KCNC2: variants seen among roughly 807,000 people sequenced by gnomAD.
KCNC2 encodes the protein potassium voltage-gated channel subfamily C member 2.
KCNC2 carries 21 observed loss-of-function variants against 44.5 expected under a neutral mutation model. The observed-to-expected ratio is 0.47, with a 90% CI of 0.33 to 0.68. The LOEUF is 0.68. Among genes scored for constraint, KCNC2 ranks in the 30% least tolerant of loss-of-function variants. The pLI, the probability that KCNC2 is intolerant of heterozygous loss-of-function variation, is 0.01. For missense variants in KCNC2, 589 were observed against 826.2 expected (o/e 0.71, Z 3.52); for synonymous variants, 391 against 339.1 (o/e 1.15, Z -1.68).
In KCNC2 at chr12:75,207,205, T is replaced by C; in HGVS notation, c.687+92A>G. 1.4e-6 allele frequency: 2 copies of C among 1,480,034 alleles called. No individual in the cohort carries two copies. Among genetic ancestry groups the C allele is most frequent in the South Asian group, 2.7e-5 (2 of 73,314 alleles). 91.7% of individuals were successfully genotyped at this position (1,480,034 alleles called of 1,614,324 possible). ...AATCCCGGGTCTCTTCTACCCCCCA[T>C]GCCTGAGGCCCTGGGGTGGAAAAGA... On this transcript the variant is annotated intron_variant, in intron 2 of 4. Coordinates refer to ENST00000549446, the MANE Select transcript of KCNC2 (RefSeq NM_139137.4). The surrounding 1 kb of genome is among the most constrained non-coding windows in gnomAD (Gnocchi z 4.1).
At chr12:75,090,913 G>T (rs1885418396) in intron 2 of KCNC2, among the ~76,000 whole-genome samples, 2 of 151,614 alleles carry the variant, frequency 1.3e-5, no homozygotes, top group African/African-American at 4.8e-5. Context: ...AGAAAAATGG[G>T]TCAGCCAATG....
chr12:75,162,222 G>A (rs1360902968), intron 2 of KCNC2, among the ~76,000 whole-genome samples: 1 of 151,706 alleles, frequency 6.6e-6, no homozygotes, highest in Non-Finnish European at 1.5e-5. Context: ...TTGAAATGTA[G>A]TATAAACATC....
chr12:75,043,505 A>T (rs1880155263), intron 4 of KCNC2: 1 of 1,266,628 alleles, frequency 7.9e-7, no homozygotes, highest in Non-Finnish European at 1.0e-6. Flanking sequence ...TAGCATTAAT[A>T]TAATTTTGGC....
chr12:75,128,388 G>A (rs1478084472), intron 2 of KCNC2, among the ~76,000 whole-genome samples: 3 of 151,956 alleles, frequency 2.0e-5, no homozygotes, highest in Non-Finnish European at 4.4e-5. Context: ...TTAACATACC[G>A]AGTCAGCAAA....
At chr12:75,160,329 C>T (rs972517974) in intron 2 of KCNC2, among the ~76,000 whole-genome samples, 4 of 151,632 alleles carry the variant, frequency 2.6e-5, no homozygotes, top group Non-Finnish European at 5.9e-5. Flanking sequence ...AGTCTCCAGA[C>T]CTGTGAAAAA....
intron 2 of KCNC2, among the ~76,000 whole-genome samples, chr12:75,056,133 C>A (rs1329896727): frequency 1.3e-5 from 2 of 151,920 alleles, no homozygotes; most frequent in African/African-American, 4.8e-5. Context: ...TGACTTAAAG[C>A]AAGAAGTAGG....
rs1418519283 is a variant in KCNC2, at chr12:75,082,496, A to G, written c.688-31179T>C. On this transcript the variant is annotated intron_variant, in intron 2 of 4. Coordinates refer to ENST00000549446, the MANE Select transcript of KCNC2 (RefSeq NM_139137.4). The stretch of plus-strand genomic sequence containing the variant: ...AAATGTAAATTCTATTTGATTCAGA[A>G]ATTGTTCTACAAAGTCACCCACGAG... Among the ~76,000 whole-genome samples the G allele has an allele frequency of 2.7e-5, 4 of 147,094 alleles. No individual in the cohort carries two copies. In the Admixed American group the frequency reaches 2.8e-4, roughly 10 times the overall value.
chr12:75,110,767 A>T (rs1423918346), intron 2 of KCNC2, among the ~76,000 whole-genome samples: 1 of 152,006 alleles, frequency 6.6e-6, no homozygotes, highest in Admixed American at 6.6e-5. Context: ...TAACTTATAT[A>T]CATATATATT....
In KCNC2 at chr12:75,207,690, G is replaced by A. The variant is rs201442443; in HGVS notation, c.294C>T (p.Gly98=). The A allele has an allele frequency of 3.1e-4, 500 of 1,599,664 alleles. 6 individuals are homozygous for A. The East Asian group carries it at 0.011, about 36-fold the overall frequency. ...RGGRASDHPG[G]GREFFFDRHP... ...GCCGGTCGAAGAAGAACTCGCGGCC[G>A]CCACCGGGATGGTCGCTGGCCCTGC... The change falls in exon 2 of 5, where the codon GGC becomes GGT. Residue 98 remains glycine (G), a synonymous_variant. Transcript: ENST00000549446. This position sits in a 1 kb window ranked among gnomAD's most constrained non-coding sequence, Gnocchi z 4.1.
At position 75,207,220 on chromosome 12, in the gene KCNC2, G is replaced by A. The variant is rs1024759413; in HGVS notation, c.687+77C>T. 8 of 1,492,320 alleles carry A rather than the reference G, an allele frequency of 5.4e-6. No homozygotes were observed. The highest frequency in any genetic ancestry group is 2.0e-4 in the Middle Eastern group (1 of 5,058). 92.4% of individuals were successfully genotyped at this position (1,492,320 alleles called of 1,614,324 possible). ...CTACCCCCCATGCCTGAGGCCCTGG[G>A]GTGGAAAAGAACAGAAAGTTGGGGA... On this transcript the variant is annotated intron_variant, in intron 2 of 4. Coordinates refer to ENST00000549446, the MANE Select transcript of KCNC2 (RefSeq NM_139137.4). This position sits in a 1 kb window ranked among gnomAD's most constrained non-coding sequence, Gnocchi z 4.1.
intron 2 of KCNC2, among the ~76,000 whole-genome samples, chr12:75,181,535 G>A (rs1007188328): frequency 3.9e-5 from 6 of 152,166 alleles, no homozygotes; most frequent in Non-Finnish European, 7.3e-5. Flanking sequence ...AATGGACAGT[G>A]TCTACTGCCT....
intron 2 of KCNC2, among the ~76,000 whole-genome samples, chr12:75,077,459 A>T (rs1370376335): frequency 6.6e-6 from 1 of 152,146 alleles, no homozygotes; most frequent in East Asian, 1.9e-4. Flanking sequence ...TCCTAATGGG[A>T]TATTTCACAG....
In KCNC2 at chr12:75,042,987, A is replaced by G; in HGVS notation, c.*118T>C. 1 of 1,449,406 alleles carries G rather than the reference A, an allele frequency of 6.9e-7. No individual in the cohort carries two copies. The highest frequency in any genetic ancestry group is 2.7e-5 in the Admixed American group (1 of 37,128). The allele number at this position is 1,449,406 out of a possible 1,614,324, so 89.8% of individuals were successfully genotyped here. ...TGACTTCAAATTGTAGTATCATGCA[A>G]GATTTATACTGTATTAATGGAGCCT... On this transcript the variant is annotated 3_prime_UTR_variant, in exon 5 of 5. Transcript: ENST00000549446.
chr12:75,194,129 T>C (rs906246588), intron 2 of KCNC2, among the ~76,000 whole-genome samples: 1 of 152,140 alleles, frequency 6.6e-6, no homozygotes, highest in African/African-American at 2.4e-5. Context: ...CTGGGTTCAA[T>C]AGTGTCCCTC....
chr12:75,208,083 C>G lies in KCNC2; in HGVS notation c.-19-81G>C, dbSNP rs576788126. 5.2e-6 allele frequency: 8 copies of G among 1,541,204 alleles called. No homozygotes were observed. The South Asian group carries it at 9.2e-5, about 18-fold the overall frequency. On this transcript the variant is annotated intron_variant, in intron 1 of 4. Transcript: ENST00000549446. ...CATGACCCCCACCACCAACCCAGAG[C>G]GAGTCCAGGGATGCAGAGTTGGCAG... is the stretch of plus-strand genomic sequence containing the variant.
At chr12:75,093,821 G>A (rs1175689982) in intron 2 of KCNC2, among the ~76,000 whole-genome samples, 1 of 151,574 alleles carries the variant, frequency 6.6e-6, no homozygotes. Flanking sequence ...AGAAACATAG[G>A]TCTACTGACC....
intron 2 of KCNC2, among the ~76,000 whole-genome samples, chr12:75,099,758 T>C (rs1886227810): frequency 6.6e-6 from 1 of 152,140 alleles, no homozygotes; most frequent in East Asian, 1.9e-4. Flanking sequence ...AAACAAAATA[T>C]ATTCCAAAAA....
intron 2 of KCNC2, among the ~76,000 whole-genome samples, chr12:75,058,831 TG>T (rs1405557953): frequency 1.3e-5 from 2 of 152,062 alleles, no homozygotes; most frequent in Non-Finnish European, 2.9e-5. Flanking sequence ...CATCCAGCTA[TG>T]GGAGCTAGAC....
chr12:75,148,699 G>A (rs557872520), intron 2 of KCNC2, among the ~76,000 whole-genome samples: 7 of 151,790 alleles, frequency 4.6e-5, no homozygotes, highest in African/African-American at 9.7e-5. Context: ...ATTACTAAGC[G>A]TTGTTGTGGT....
Sources: allele counts gnomAD v4.1 joint callset (sites outside exome capture counted in the v4.1 genomes callset), GRCh38; gene constraint gnomAD v4.1.1; non-coding constraint Gnocchi (gnomAD v3.1); transcripts MANE v1.5; gene names NCBI Gene and HGNC (gene_info 2026-07-23, HGNC 2026-07-21).